The following SLC44A2 variants were observed in gnomAD, a reference collection of about 807,000 sequenced individuals.
SLC44A2 encodes solute carrier family 44 member 2 (CTL2 blood group).
SLC44A2 carries 57 observed loss-of-function variants against 90.8 expected under a neutral mutation model. The observed-to-expected ratio is 0.63, with a 90% CI of 0.51 to 0.78. The LOEUF (loss-of-function observed/expected upper bound fraction) is 0.78. Ranked by LOEUF, SLC44A2 falls within the 30% of genes least tolerant of loss-of-function variation. The pLI is 0.00. For missense variants in SLC44A2, 794 were observed against 919.7 expected (o/e 0.86, Z 1.77); for synonymous variants, 355 against 360.7 (o/e 0.98, Z 0.18).
chr19:10,635,857 C>T (rs2067049027), intron 14 of SLC44A2: 1 of 249,300 alleles, frequency 4.0e-6, no homozygotes, highest in East Asian at 1.2e-4. Context: ...CAGCTCACTG[C>T]AACTTCCAAC....
chr19:10,626,367 C>A (rs2066933982), intron 2 of SLC44A2, 66 bp downstream of exon 2: 1 of 1,195,118 alleles, frequency 8.4e-7, no homozygotes, highest in Non-Finnish European at 1.2e-6. Context: ...CTCTTCACAC[C>A]CCCTCCCATC....
upstream of SLC44A2, among the ~76,000 whole-genome samples, chr19:10,624,084 G>A (rs1388622728): frequency 3.3e-5 from 5 of 151,054 alleles, no homozygotes; most frequent in Non-Finnish European, 5.9e-5. Context: ...TGCAACCTCC[G>A]CCTCTCGGGT....
At chr19:10,637,185 A>G (rs1002771639) in intron 16 of SLC44A2, 3 of 215,248 alleles carry the variant, frequency 1.4e-5, no homozygotes, top group African/African-American at 7.0e-5. Flanking sequence ...CCCCGTCTCT[A>G]CTACAAATAC....
intron 1 of SLC44A2, among the ~76,000 whole-genome samples, chr19:10,620,217 A>C (rs1229542471): frequency 6.6e-6 from 1 of 151,856 alleles, no homozygotes; most frequent in East Asian, 1.9e-4. Flanking sequence ...GCTGTGGCTC[A>C]TGCCTGTAAT....
chr19:10,621,422 GT>G (rs34643212), upstream of SLC44A2, among the ~76,000 whole-genome samples: 55 of 89,456 alleles, frequency 6.1e-4, 1 homozygote, highest in African/African-American at 8.6e-4. Context: ...ATGGTTGGGT[GT>G]TTTTTTTTTT....
intron 1 of SLC44A2, among the ~76,000 whole-genome samples, chr19:10,615,002 A>T (rs1328641789): frequency 6.6e-6 from 1 of 151,228 alleles, no homozygotes; most frequent in Non-Finnish European, 1.5e-5. Context: ...GAAGAAAAGA[A>T]AAGAAAATGT....
At chr19:10,637,291 T>C (rs1205717432) in intron 16 of SLC44A2, 2 of 259,676 alleles carry the variant, frequency 7.7e-6, no homozygotes, top group Non-Finnish European at 1.5e-5. Flanking sequence ...GGTTGAGGTT[T>C]CAGTGGGCCG....
Position 10,636,334 on chromosome 19 carries a change from C to T in SLC44A2, c.1245C>T (p.Ser415=). 6.2e-7 allele frequency: 1 copy of T among 1,612,520 alleles called. No homozygotes were observed. Among genetic ancestry groups the T allele is most frequent in the Non-Finnish European group, 8.5e-7 (1 of 1,179,068 alleles). Residue 415 remains serine (S), a synonymous_variant, in exon 15 of 22, where the codon TCC becomes TCT. Transcript: ENST00000335757. ...AKTCNPETFP[S]SNESRQCPNA... Reference sequence around the variant, plus strand: ...CTTCTCTCCCACAGACCTTCCCCTCCTCCAATGAGTCCCGCCAATGCCCCA... The same window carrying T: ...CTTCTCTCCCACAGACCTTCCCCTCTTCCAATGAGTCCCGCCAATGCCCCA...
chr19:10,614,922 G>T (rs1304357901), intron 1 of SLC44A2, among the ~76,000 whole-genome samples: 2 of 140,092 alleles, frequency 1.4e-5, no homozygotes, highest in Non-Finnish European at 3.0e-5. Flanking sequence ...AGTGAGCCAA[G>T]ATTGCGCCAC....
At chr19:10,613,060 G>A (rs1918353425) in intron 1 of SLC44A2, among the ~76,000 whole-genome samples, 1 of 151,196 alleles carries the variant, frequency 6.6e-6, no homozygotes, top group African/African-American at 2.4e-5. Flanking sequence ...ATTTTTATTT[G>A]TTTGGTTTTG....
At chr19:10,603,523 AAAAC>A in intron 1 of SLC44A2, among the ~76,000 whole-genome samples, 1 of 152,306 alleles carries the variant, frequency 6.6e-6, no homozygotes. Context: ...ATATTCAAGA[AAAAC>A]AAGTTGGGTA....
chr19:10,624,984 A>T (rs186544221), upstream of SLC44A2, among the ~76,000 whole-genome samples: 92 of 152,192 alleles, frequency 6.0e-4, 1 homozygote, highest in East Asian at 0.016. Flanking sequence ...AAAAAATTAA[A>T]AATTAGCCGA....
At chr19:10,612,851 A>G (rs1568443148) in intron 1 of SLC44A2, among the ~76,000 whole-genome samples, 1 of 151,932 alleles carries the variant, frequency 6.6e-6, no homozygotes, top group Non-Finnish European at 1.5e-5. Context: ...TTTCTTCCAC[A>G]CCATTGCCGC....
chr19:10,614,808 TA>T (rs749585518), intron 1 of SLC44A2, among the ~76,000 whole-genome samples: 9 of 150,738 alleles, frequency 6.0e-5, no homozygotes, highest in Non-Finnish European at 1.3e-4. Flanking sequence ...ACGTCTCTAT[TA>T]AAAATACAAA....
intron 1 of SLC44A2, among the ~76,000 whole-genome samples, chr19:10,619,210 G>A (rs574889787): frequency 1.3e-5 from 2 of 151,326 alleles, no homozygotes; most frequent in African/African-American, 2.4e-5. Context: ...CAGGTGCGTC[G>A]CTGGAACTCA....
chr19:10,604,955 G>A (rs1918058969), intron 1 of SLC44A2, among the ~76,000 whole-genome samples: 2 of 152,130 alleles, frequency 1.3e-5, no homozygotes, highest in African/African-American at 4.8e-5. Context: ...TCAGCAATGG[G>A]CATTGCCATC....
At chr19:10,635,543 G>C (rs763884558) in intron 14 of SLC44A2, 28 bp downstream of exon 14, 1 of 1,588,312 alleles carries the variant, frequency 6.3e-7, no homozygotes, top group African/African-American at 1.4e-5. Context: ...GGGGAGGGCA[G>C]GTATTGCCCC....
At chr19:10,607,089 T>C (rs1421808662) in intron 1 of SLC44A2, among the ~76,000 whole-genome samples, 1 of 151,410 alleles carries the variant, frequency 6.6e-6, no homozygotes, top group Non-Finnish European at 1.5e-5. Flanking sequence ...TTTTTTTGTA[T>C]TTTTTAGTAG....
rs1195144609 is a variant in SLC44A2, at chr19:10,644,192, A to G, written c.*807A>G. On this transcript the variant is annotated 3_prime_UTR_variant, in exon 22 of 22. Transcript: ENST00000335757. ...CAGTTATTGACACAGCTCTCTTTGT[A>G]AGAGAGGAAAGAAACTAAACCCACC... is the stretch of plus-strand genomic sequence containing the variant. 6.6e-6 allele frequency: 1 copy of G among 152,598 alleles called. No individual in the cohort carries two copies. The highest frequency in any genetic ancestry group is 1.5e-5 in the Non-Finnish European group (1 of 68,056). 9.5% of individuals were successfully genotyped at this position (152,598 alleles called of 1,614,324 possible). A position where few individuals can be genotyped will look rare whatever the true frequency, so the allele number is the denominator to read the frequency against.
Sources: gnomAD v4.1 joint callset for allele counts (sites outside exome capture counted in the v4.1 genomes callset) on GRCh38, gnomAD v4.1.1 for gene constraint, MANE v1.5 for transcripts, NCBI Gene and HGNC (gene_info 2026-07-23, HGNC 2026-07-21) for gene names.